Variants in TAF1B observed in about 807,000 individuals in gnomAD.
The protein encoded by TAF1B is TATA box-binding protein-associated factor RNA polymerase I subunit B.
A neutral mutation model predicts 83.9 loss-of-function variants in TAF1B; 61 were observed. The ratio of observed to expected loss-of-function variants is 0.73; its 90% CI spans 0.59 to 0.90. The LOEUF is 0.90. Among genes scored for constraint, TAF1B ranks in the 40% least tolerant of loss-of-function variants. The probability of loss-of-function intolerance (pLI) is 0.00; values close to 1 mark genes in which losing one functional copy is unlikely to be tolerated. For synonymous variants in TAF1B, 221 were observed against 224.6 expected (o/e 0.98, Z 0.14); for missense variants, 625 against 677.0 (o/e 0.92, Z 0.85).
At chr2:9,860,380 A>C (rs1158267346) in intron 5 of TAF1B, among the ~76,000 whole-genome samples, 1 of 152,234 alleles carries the variant, frequency 6.6e-6, no homozygotes, top group Non-Finnish European at 1.5e-5. Context: ...AACATACGCC[A>C]TTATTTTAAG....
At chr2:9,930,614 T>C (rs1421937082) in intron 14 of TAF1B, among the ~76,000 whole-genome samples, 2 of 152,238 alleles carry the variant, frequency 1.3e-5, no homozygotes, top group Non-Finnish European at 2.9e-5. Flanking sequence ...GTAAGTGTGA[T>C]GTGGTGCTGA....
intron 6 of TAF1B, among the ~76,000 whole-genome samples, chr2:9,874,915 A>G (rs1314715616): frequency 6.6e-6 from 1 of 152,096 alleles, no homozygotes; most frequent in African/African-American, 2.4e-5. Flanking sequence ...CCTTTATTTA[A>G]AAAATTGGTT....
intron 8 of TAF1B, among the ~76,000 whole-genome samples, chr2:9,889,678 G>A (rs535204034): frequency 6.6e-6 from 1 of 152,178 alleles, no homozygotes; most frequent in Admixed American, 6.5e-5. Flanking sequence ...ATGTTGTAGA[G>A]TGCTAGATTT....
chr2:9,919,460 T>C (rs1369863116), intron 13 of TAF1B, 138 bp from the exon 14 acceptor site: 4 of 723,624 alleles, frequency 5.5e-6, no homozygotes, highest in Non-Finnish European at 9.2e-6. Flanking sequence ...TCCCTTAACG[T>C]TATCCTGTTA....
chr2:9,861,341 C>T (rs7559232), intron 5 of TAF1B, among the ~76,000 whole-genome samples: 2,206 of 152,362 alleles, frequency 0.014, 55 homozygotes, highest in African/African-American at 0.049. Context: ...CATGGAGCCT[C>T]GCTGATTGCT....
intron 14 of TAF1B, among the ~76,000 whole-genome samples, chr2:9,924,044 T>G (rs546588372): frequency 6.6e-6 from 1 of 152,252 alleles, no homozygotes; most frequent in South Asian, 2.1e-4. Flanking sequence ...TACATAGAGC[T>G]TAGTATAGTC....
At chr2:9,873,606 G>T (rs934358753) in intron 6 of TAF1B, among the ~76,000 whole-genome samples, 9 of 146,442 alleles carry the variant, frequency 6.1e-5, no homozygotes, top group African/African-American at 2.3e-4. Context: ...CATTGATTTC[G>T]CTCATCAAAC....
chr2:9,915,074 G>C (rs780490545), intron 12 of TAF1B, among the ~76,000 whole-genome samples: 1 of 152,176 alleles, frequency 6.6e-6, no homozygotes, highest in African/African-American at 2.4e-5. Context: ...CTAAAACAGC[G>C]TAAGAGGCTA....
chr2:9,868,990 T>C (rs1487105411), intron 6 of TAF1B, among the ~76,000 whole-genome samples: 1 of 152,208 alleles, frequency 6.6e-6, no homozygotes, highest in Non-Finnish European at 1.5e-5. Context: ...GACACAGATA[T>C]CAAATAAGTT....
At chr2:9,902,611 A>C (rs1446330651) in intron 8 of TAF1B, among the ~76,000 whole-genome samples, 4 of 152,330 alleles carry the variant, frequency 2.6e-5, no homozygotes, top group African/African-American at 9.6e-5. Context: ...GTGAGATTAT[A>C]TCACAATTCA....
In TAF1B at chr2:9,904,859, T is replaced by C; in HGVS notation, c.808T>C (p.Ser270Pro). 8 of 1,609,316 alleles carry C rather than the reference T, an allele frequency of 5.0e-6. No homozygotes were observed. Among genetic ancestry groups the C allele is most frequent in the East Asian group, 2.2e-5 (1 of 44,806 alleles). Residue 270 changes from serine to proline, a missense_variant and splice_region_variant, in exon 9 of 15, where the codon TCT becomes CCT. Physicochemically the swap from Ser to Pro is moderately conservative, Grantham distance 74 (BLOSUM62 -1). Transcript: ENST00000263663. ...TATGATGGTCTCTCTTTTATTTCAGTCTTGGCCTGACTACGAGGACATCTA... is the reference window on the plus strand; with the variant it reads ...TATGATGGTCTCTCTTTTATTTCAGCCTTGGCCTGACTACGAGGACATCTA... ...GRDRGIFGIE[S>P]WPDYEDIYKK...
chr2:9,915,612 CAAAACA>C (rs952225512), intron 12 of TAF1B, among the ~76,000 whole-genome samples: 5 of 152,098 alleles, frequency 3.3e-5, no homozygotes, highest in African/African-American at 9.7e-5. Context: ...TGGTTCAAAA[CAAAACA>C]AAAACAAAAA....
chr2:9,913,404 T>G (rs1213403478), intron 12 of TAF1B, 155 bp downstream of exon 12: 5 of 512,086 alleles, frequency 9.8e-6, no homozygotes, highest in Non-Finnish European at 1.7e-5. Flanking sequence ...TTTTCTCTTT[T>G]TTACATTACT....
At position 9,873,468 on chromosome 2, in the gene TAF1B, G is replaced by T. The variant is rs112831046; in HGVS notation, c.554-2397G>T. ...AGCTTTAACCAACCACCAACTATAT[G>T]CTGAAACTAAAATTCCTATCTCTAG... On this transcript the variant is annotated intron_variant, in intron 6 of 14. Coordinates refer to ENST00000263663, the MANE Select transcript of TAF1B (RefSeq NM_005680.3). 8.5e-4 allele frequency among the ~76,000 whole-genome samples: 129 copies of T among 152,156 alleles called. 1 individual carries two copies. The highest frequency in any genetic ancestry group is 2.8e-3 in the African/African-American group (117 of 41,504).
At chr2:9,891,439 A>G (rs1664872057) in intron 8 of TAF1B, among the ~76,000 whole-genome samples, 1 of 152,142 alleles carries the variant, frequency 6.6e-6, no homozygotes, top group Non-Finnish European at 1.5e-5. Flanking sequence ...TGATACATGT[A>G]CCTATTTCTG....
At chr2:9,911,392 A>G (rs1665528166) in intron 10 of TAF1B, 119 bp from the exon 11 acceptor site, 13 of 745,232 alleles carry the variant, frequency 1.7e-5, no homozygotes, top group Middle Eastern at 2.6e-4. Flanking sequence ...TTGCTTCTCC[A>G]TTAAAACATG....
intron 8 of TAF1B, among the ~76,000 whole-genome samples, chr2:9,899,154 A>C (rs770621987): frequency 3.9e-5 from 6 of 152,102 alleles, no homozygotes; most frequent in Non-Finnish European, 7.4e-5. Context: ...ATTAAACACC[A>C]ACTTCCCATT....
At chr2:9,903,483 G>A (rs1665247847) in intron 8 of TAF1B, among the ~76,000 whole-genome samples, 1 of 152,128 alleles carries the variant, frequency 6.6e-6, no homozygotes, top group Non-Finnish European at 1.5e-5. Context: ...AATACAAATG[G>A]TATATGCAAA....
At chr2:9,866,368 A>G (rs567242622) in intron 5 of TAF1B, among the ~76,000 whole-genome samples, 1 of 152,282 alleles carries the variant, frequency 6.6e-6, no homozygotes, top group South Asian at 2.1e-4. Flanking sequence ...GAGAAATGCA[A>G]ATCAAAACCA....
Sources: allele counts gnomAD v4.1 joint callset (sites outside exome capture counted in the v4.1 genomes callset), GRCh38; gene constraint gnomAD v4.1.1; transcripts MANE v1.5; gene names NCBI Gene and HGNC (gene_info 2026-07-23, HGNC 2026-07-21).